CCPG1: variants seen among roughly 807,000 people sequenced by gnomAD.
CCPG1 encodes the protein cell cycle progression 1, also known as cell cycle progression protein 1.
A neutral mutation model predicts 81.3 loss-of-function variants in CCPG1; 46 were observed. That is an observed-to-expected ratio of 0.57 (90% CI 0.45 to 0.72). CCPG1 has a LOEUF of 0.72. Among genes scored for constraint, CCPG1 ranks in the 30% least tolerant of loss-of-function variants. The pLI is 0.00. For missense variants in CCPG1, 902 were observed against 937.6 expected, an observed-to-expected ratio of 0.96 and a Z score of 0.50; for synonymous variants, 330 against 305.2, an observed-to-expected ratio of 1.08 and a Z score of -0.85.
intron 1 of CCPG1, among the ~76,000 whole-genome samples, chr15:55,406,540 G>A (rs948832175): frequency 3.5e-5 from 5 of 143,130 alleles, no homozygotes; most frequent in Admixed American, 7.4e-5. Flanking sequence ...TGCAACCTCC[G>A]CCTCCCGGGT....
intron 3 of CCPG1, among the ~76,000 whole-genome samples, chr15:55,379,005 A>T (rs2056623200): frequency 6.6e-6 from 1 of 152,064 alleles, no homozygotes; most frequent in African/African-American, 2.4e-5. Flanking sequence ...AATATGAAAA[A>T]ATCTATCATT....
At chr15:55,359,108 AATT>A in intron 8 of CCPG1, 1 of 984,036 alleles carries the variant, frequency 1.0e-6, no homozygotes, top group Non-Finnish European at 1.2e-6. Flanking sequence ...GGGACATTAG[AATT>A]ATTATATATG....
At chr15:55,399,417 CAAAAAAAAAAA>C (rs56191750) in intron 1 of CCPG1, among the ~76,000 whole-genome samples, 1 of 63,144 alleles carries the variant, frequency 1.6e-5, no homozygotes, top group South Asian at 6.3e-4. Flanking sequence ...ACTAAAAATA[CAAAAAAAAAAA>C]AAAAAAAAAA....
At chr15:55,403,955 A>C (rs2057171016) in intron 1 of CCPG1, among the ~76,000 whole-genome samples, 1 of 152,208 alleles carries the variant, frequency 6.6e-6, no homozygotes, top group African/African-American at 2.4e-5. Flanking sequence ...TAATTTTTAA[A>C]AGTCTTTCTT....
chr15:55,404,346 AAAAAG>A (rs764474577), intron 1 of CCPG1, among the ~76,000 whole-genome samples: 16 of 152,214 alleles, frequency 1.1e-4, no homozygotes, highest in Non-Finnish European at 1.8e-4. Context: ...AGTAGCCAAA[AAAAAG>A]AAAAATGTAC....
chr15:55,389,554 C>A, intron 1 of CCPG1, 121 bp from the exon 2 acceptor site: 4 of 700,248 alleles, frequency 5.7e-6, no homozygotes, highest in Non-Finnish European at 7.8e-6. Flanking sequence ...CAGAGACAAG[C>A]CACCCATAGA....
rs771164762 is a variant in CCPG1 at position 55,371,862 on chromosome 15, T to G, written c.637A>C (p.Ser213Arg). 10 of 1,614,016 alleles carry G rather than the reference T, an allele frequency of 6.2e-6. No homozygotes were observed. Among genetic ancestry groups the G allele is most frequent in the Non-Finnish European group, 8.5e-6 (10 of 1,179,876 alleles). Residue 213 changes from serine (S) to arginine (R), a missense_variant, in exon 6 of 9, where the codon AGT (serine) becomes CGT (arginine). Around this residue, in one of 3 missense-constraint regions of CCPG1, gnomAD observed 746 missense variants for 728.6 expected, o/e 1.02. Transcript: ENST00000442196. Reference protein sequence around the residue: ...SKELSKRQFSSGLNKCVILAL... With the variant: ...SKELSKRQFSRGLNKCVILAL... Reference sequence around the variant, plus strand: ...AGTATAACACACTTATTGAGACCACTACTGAACTGACGTTTACTCAACTCC... The same window carrying G: ...AGTATAACACACTTATTGAGACCACGACTGAACTGACGTTTACTCAACTCC...
chr15:55,407,904 A>G, intron 1 of CCPG1: 1 of 152,836 alleles, frequency 6.5e-6, no homozygotes, highest in Non-Finnish European at 1.5e-5. Flanking sequence ...CCAGTGAAGG[A>G]AGAAGGGTGG....
chr15:55,372,251 A>G (rs1338847478), intron 5 of CCPG1: 3 of 590,224 alleles, frequency 5.1e-6, no homozygotes, highest in East Asian at 5.6e-5. Context: ...TGTGATACAC[A>G]AGAATCTGTT....
intron 1 of CCPG1, among the ~76,000 whole-genome samples, chr15:55,400,868 G>T (rs891048463): frequency 6.6e-6 from 1 of 152,128 alleles, no homozygotes; most frequent in African/African-American, 2.4e-5. Flanking sequence ...TTACTGATTT[G>T]TAGTTCCTTA....
chr15:55,401,147 G>A (rs988825774), intron 1 of CCPG1, among the ~76,000 whole-genome samples: 1 of 151,882 alleles, frequency 6.6e-6, no homozygotes, highest in Non-Finnish European at 1.5e-5. Context: ...CTTTTGGTGT[G>A]AAGTGGAAAT....
chr15:55,401,750 G>GCTAAAATAT (rs972811963), intron 1 of CCPG1, among the ~76,000 whole-genome samples: 1 of 151,770 alleles, frequency 6.6e-6, no homozygotes, highest in African/African-American at 2.4e-5. Context: ...TATACCCAGT[G>GCTAAAATAT]CTAAAATATT....
chr15:55,381,935 T>C (rs1595847505), intron 3 of CCPG1, among the ~76,000 whole-genome samples: 2 of 152,248 alleles, frequency 1.3e-5, no homozygotes, highest in East Asian at 3.8e-4. Flanking sequence ...TCCCTGTCCA[T>C]GTAAAAGTTA....
intron 3 of CCPG1, among the ~76,000 whole-genome samples, chr15:55,380,041 A>G (rs2056648441): frequency 1.3e-5 from 2 of 151,348 alleles, no homozygotes; most frequent in African/African-American, 4.9e-5. Context: ...CGAAGGTTGC[A>G]GTGAGCCGAG....
rs1555411255 is a variant in CCPG1 at position 55,407,046 on chromosome 15, C to CCA, written c.-10+1174_-10+1175insTG. ...TGGCCGACACGTTGAGACCCCCCCC[C>CCA]CCGCCCCGCCGTCTCTACTAAAAAT... On this transcript the variant is annotated intron_variant, in intron 1 of 8. Transcript: ENST00000442196. Among the ~76,000 whole-genome samples, 34 of 136,338 alleles carry CCA rather than the reference C, an allele frequency of 2.5e-4. 3 individuals carry two copies. Among genetic ancestry groups the CCA allele is most frequent in the East Asian group, 6.0e-4 (3 of 4,968 alleles). The allele number at this position is 136,338 out of a possible 152,430, so 89.4% of individuals were successfully genotyped here. A position where few individuals can be genotyped will look rare whatever the true frequency, so the allele number is the denominator to read the frequency against.
intron 1 of CCPG1, among the ~76,000 whole-genome samples, chr15:55,390,048 C>A (rs1375888947): frequency 6.6e-6 from 1 of 152,174 alleles, no homozygotes; most frequent in South Asian, 2.1e-4. Flanking sequence ...CTCAGCCTCC[C>A]GAGTAGCTGG....
intron 2 of CCPG1, among the ~76,000 whole-genome samples, chr15:55,387,597 T>G (rs575532297): frequency 6.6e-6 from 1 of 151,636 alleles, no homozygotes; most frequent in African/African-American, 2.4e-5. Flanking sequence ...CAGGCTGGAG[T>G]GCAATGGCAC....
At chr15:55,396,849 C>T (rs2057026330) in intron 1 of CCPG1, among the ~76,000 whole-genome samples, 1 of 152,112 alleles carries the variant, frequency 6.6e-6, no homozygotes, top group African/African-American at 2.4e-5. Flanking sequence ...CAGAGCTCTA[C>T]CTCTGAGAAA....
At chr15:55,397,227 CAAA>C (rs199970646) in intron 1 of CCPG1, among the ~76,000 whole-genome samples, 1 of 146,004 alleles carries the variant, frequency 6.8e-6, no homozygotes, top group Non-Finnish European at 1.5e-5. Context: ...AAAAAACAAA[CAAA>C]AAAAAAAACC....
Sources: gnomAD v4.1 joint callset for allele counts (sites outside exome capture counted in the v4.1 genomes callset) on GRCh38, gnomAD v4.1.1 for gene constraint, gnomAD v4.1.1 regional missense constraint, MANE v1.5 for transcripts, NCBI Gene and HGNC (gene_info 2026-07-23, HGNC 2026-07-21) for gene names.